The following SPAG16 variants were observed in gnomAD, a reference collection of about 807,000 sequenced individuals.
SPAG16 encodes the protein sperm-associated antigen 16 protein.
SPAG16 carries 86 observed loss-of-function variants against 80.4 expected under a neutral mutation model. The ratio of observed to expected loss-of-function variants is 1.07; its 90% confidence interval spans 0.90 to 1.28. SPAG16 has a LOEUF of 1.28. Ranked by LOEUF, SPAG16 falls within the 50% of genes most tolerant of loss-of-function variation. The pLI is 0.00. For synonymous variants in SPAG16, 294 were observed against 265.9 expected, an observed-to-expected ratio of 1.11 and a Z score of -1.03; for missense variants, 870 against 765.3, an observed-to-expected ratio of 1.14 and a Z score of -1.61.
At chr2:213,877,091 T>C (rs1276127691) in intron 11 of SPAG16, among the ~76,000 whole-genome samples, 1 of 152,140 alleles carries the variant, frequency 6.6e-6, no homozygotes, top group Non-Finnish European at 1.5e-5. Flanking sequence ...GACCTTGATA[T>C]TTATCTTGCA....
intron 9 of SPAG16, among the ~76,000 whole-genome samples, chr2:213,470,685 A>G (rs1426276037): frequency 6.6e-6 from 1 of 152,162 alleles, no homozygotes; most frequent in South Asian, 2.1e-4. Context: ...TCCTCCCATC[A>G]TGGCCACTTT....
intron 10 of SPAG16, among the ~76,000 whole-genome samples, chr2:213,786,039 C>A (rs546031811): frequency 5.1e-4 from 77 of 151,828 alleles, no homozygotes; most frequent in Non-Finnish European, 9.7e-4. Context: ...ATATAGACAG[C>A]AATTCAAATG....
At chr2:214,254,936 T>C (rs571138117) in intron 15 of SPAG16, among the ~76,000 whole-genome samples, 3 of 152,158 alleles carry the variant, frequency 2.0e-5, no homozygotes, top group African/African-American at 7.2e-5. Flanking sequence ...TAAAGAACAC[T>C]GGATTTGGAA....
intron 15 of SPAG16, among the ~76,000 whole-genome samples, chr2:214,389,181 TC>T (rs1264933505): frequency 6.6e-6 from 1 of 152,094 alleles, no homozygotes; most frequent in Non-Finnish European, 1.5e-5. Context: ...TCTCAAAACA[TC>T]CATGCGGGAA....
intron 8 of SPAG16, among the ~76,000 whole-genome samples, chr2:213,368,954 G>A (rs2125160029): frequency 6.6e-6 from 1 of 152,258 alleles, no homozygotes; most frequent in Non-Finnish European, 1.5e-5. Context: ...CTCATGGATA[G>A]GAAGAATCAA....
chr2:214,184,304 A>C (rs560986151), intron 15 of SPAG16, among the ~76,000 whole-genome samples: 1 of 152,072 alleles, frequency 6.6e-6, no homozygotes, highest in Admixed American at 6.6e-5. Context: ...TATTTTTGTC[A>C]TATAAATGTA....
intron 15 of SPAG16, among the ~76,000 whole-genome samples, chr2:214,245,045 C>G (rs185568549): frequency 6.6e-6 from 1 of 152,216 alleles, no homozygotes; most frequent in East Asian, 1.9e-4. Flanking sequence ...TCTCATGTTC[C>G]AGTGTCCTTG....
At chr2:213,306,202 A>T (rs1204631904) in intron 3 of SPAG16, among the ~76,000 whole-genome samples, 1 of 150,510 alleles carries the variant, frequency 6.6e-6, no homozygotes, top group Non-Finnish European at 1.5e-5. Flanking sequence ...TTTCCTCTTG[A>T]TTATATTTAT....
Position 214,172,697 on chromosome 2 carries a change from A to G in SPAG16, c.1720+23431A>G, listed in dbSNP as rs546925223. On this transcript the variant is annotated intron_variant, in intron 15 of 15. Coordinates refer to ENST00000331683, the MANE Select transcript of SPAG16 (RefSeq NM_024532.5). Reference sequence around the variant, plus strand: ...CCACACTGACTTCCACAAGGGTTGAACTAGTTTACAGTCCCACCAACAGTG... The same window carrying G: ...CCACACTGACTTCCACAAGGGTTGAGCTAGTTTACAGTCCCACCAACAGTG... Among the ~76,000 whole-genome samples the G allele has an allele frequency of 8.4e-3, 1,280 of 152,048 alleles. 22 individuals carry two copies. Among genetic ancestry groups the G allele is most frequent in the African/African-American group, 0.03 (1,226 of 41,478 alleles).
chr2:213,969,725 G>T (rs2044913560), intron 12 of SPAG16, among the ~76,000 whole-genome samples: 1 of 151,962 alleles, frequency 6.6e-6, no homozygotes. Context: ...CAGGTATTTT[G>T]TTACAGTATC....
intron 5 of SPAG16, among the ~76,000 whole-genome samples, chr2:213,329,535 T>G (rs1030551324): frequency 6.6e-6 from 1 of 152,130 alleles, no homozygotes; most frequent in African/African-American, 2.4e-5. Context: ...GTGGAAGAAA[T>G]TGCTAAGCAT....
intron 15 of SPAG16, among the ~76,000 whole-genome samples, chr2:214,303,730 TC>T (rs1415086827): frequency 6.6e-6 from 1 of 152,182 alleles, no homozygotes; most frequent in Non-Finnish European, 1.5e-5. Flanking sequence ...TTTCTTCTTC[TC>T]CCTCAGGAAT....
At chr2:214,348,219 C>A (rs894858236) in intron 15 of SPAG16, among the ~76,000 whole-genome samples, 2 of 152,114 alleles carry the variant, frequency 1.3e-5, no homozygotes, top group Non-Finnish European at 2.9e-5. Context: ...CACACATGGA[C>A]ATAATTCAGA....
chr2:213,774,857 T>A (rs2069472938), intron 10 of SPAG16, among the ~76,000 whole-genome samples: 1 of 152,188 alleles, frequency 6.6e-6, no homozygotes, highest in Non-Finnish European at 1.5e-5. Context: ...AGGCTTCAAA[T>A]GGTCTAAAAG....
intron 14 of SPAG16, among the ~76,000 whole-genome samples, chr2:214,129,509 G>A (rs2054656128): frequency 6.6e-6 from 1 of 152,012 alleles, no homozygotes; most frequent in Non-Finnish European, 1.5e-5. Flanking sequence ...GTCTTTTTTA[G>A]CATCTGTTTT....
chr2:214,001,820 C>T (rs950184103), intron 12 of SPAG16, among the ~76,000 whole-genome samples: 5 of 152,124 alleles, frequency 3.3e-5, no homozygotes, highest in South Asian at 2.1e-4. Context: ...TTAATACACA[C>T]ATTCTTATTT....
rs189986959 is a variant in SPAG16, at chr2:213,543,750, T to A, written c.1070+53660T>A. Among the ~76,000 whole-genome samples, 420 of 152,166 alleles carry A rather than the reference T, an allele frequency of 2.8e-3. 3 individuals carry two copies. Among genetic ancestry groups the A allele is most frequent in the African/African-American group, 9.6e-3 (397 of 41,562 alleles). On this transcript the variant is annotated intron_variant, in intron 10 of 15. Coordinates refer to ENST00000331683, the MANE Select transcript of SPAG16 (RefSeq NM_024532.5). ...GCCTCCCCACTTTCTTTGGTCTTTTTAAAATCAAAATTGACATAAACTCTT... is the reference window on the plus strand; with the variant it reads ...GCCTCCCCACTTTCTTTGGTCTTTTAAAAATCAAAATTGACATAAACTCTT...
intron 10 of SPAG16, among the ~76,000 whole-genome samples, chr2:213,525,622 AGG>A (rs1339571939): frequency 3.3e-5 from 5 of 152,104 alleles, no homozygotes; most frequent in Non-Finnish European, 7.4e-5. Context: ...ACCCAGTCTC[AGG>A]CATGTATTTA....
At chr2:213,802,364 A>C (rs1256481478) in intron 10 of SPAG16, among the ~76,000 whole-genome samples, 1 of 152,056 alleles carries the variant, frequency 6.6e-6, no homozygotes, top group African/African-American at 2.4e-5. Flanking sequence ...TGAGAAAGCA[A>C]ATGTTTACTT....
Sources: allele counts gnomAD v4.1 joint callset (sites outside exome capture counted in the v4.1 genomes callset), GRCh38; gene constraint gnomAD v4.1.1; transcripts MANE v1.5; gene names NCBI Gene and HGNC (gene_info 2026-07-23, HGNC 2026-07-21).